The following HMG20A variants were observed in gnomAD, a reference collection of about 807,000 sequenced individuals.
HMG20A encodes high mobility group 20A.
A neutral mutation model predicts 43.9 loss-of-function variants in HMG20A; 17 were observed. The observed-to-expected ratio is 0.39, with a 90% CI of 0.27 to 0.58. The LOEUF (loss-of-function observed/expected upper bound fraction) is 0.58. Among genes scored for constraint, HMG20A ranks in the 20% least tolerant of loss-of-function variants. HMG20A has a pLI of 0.59. For missense variants in HMG20A, 341 were observed against 438.2 expected (o/e 0.78, Z 1.98); for synonymous variants, 132 against 147.5 (o/e 0.89, Z 0.76).
At chr15:77,504,607 T>C in the HMG20A span, among the ~76,000 whole-genome samples, 5 of 152,134 alleles carry the variant, frequency 3.3e-5, no homozygotes, top group African/African-American at 4.8e-5. Flanking sequence ...TTGTACACTA[T>C]AGAGAGCTAT....
the HMG20A span, among the ~76,000 whole-genome samples, chr15:77,495,068 G>A: frequency 6.6e-6 from 1 of 152,224 alleles, no homozygotes; most frequent in Non-Finnish European, 1.5e-5. Flanking sequence ...GCAAAATGAG[G>A]CCCCAATCCA....
At chr15:77,440,557 T>C (rs1040583912) in intron 1 of HMG20A, among the ~76,000 whole-genome samples, 4 of 152,230 alleles carry the variant, frequency 2.6e-5, no homozygotes, top group Admixed American at 6.5e-5. Flanking sequence ...TTCTCACTTA[T>C]GCTATTTGTC....
intron 6 of HMG20A, among the ~76,000 whole-genome samples, chr15:77,475,281 T>A (rs1259675586): frequency 2.6e-5 from 4 of 152,196 alleles, no homozygotes; most frequent in African/African-American, 4.8e-5. Context: ...TAAGTAGAAT[T>A]TCTCTGTTAC....
chr15:77,459,261 G>A (rs1020303695), intron 2 of HMG20A, among the ~76,000 whole-genome samples: 1 of 152,156 alleles, frequency 6.6e-6, no homozygotes, highest in African/African-American at 2.4e-5. Flanking sequence ...AGATGAAAGT[G>A]TTCTCCAAGA....
intron 1 of HMG20A, among the ~76,000 whole-genome samples, chr15:77,441,725 A>G (rs2142294715): frequency 6.6e-6 from 1 of 152,174 alleles, no homozygotes; most frequent in African/African-American, 2.4e-5. Flanking sequence ...AATTTGTTGT[A>G]GAAATCACAG....
chr15:77,467,359 A>T (rs757545872), intron 4 of HMG20A, 52 bp downstream of exon 4: 1,065 of 1,444,318 alleles, frequency 7.4e-4, no homozygotes, highest in Non-Finnish European at 9.4e-4. Context: ...TATCTCAGAA[A>T]TAACTTATAT....
At chr15:77,509,828 A>C in the HMG20A span, among the ~76,000 whole-genome samples, 1 of 151,484 alleles carries the variant, frequency 6.6e-6, no homozygotes, top group Non-Finnish European at 1.5e-5. Flanking sequence ...AATCGCTGGA[A>C]CCTGGGAGGC....
At chr15:77,469,750 C>T (rs1166797040) in intron 4 of HMG20A, among the ~76,000 whole-genome samples, 1 of 152,220 alleles carries the variant, frequency 6.6e-6, no homozygotes, top group African/African-American at 2.4e-5. Context: ...TCATTGCAAC[C>T]TCCACCTCCC....
intron 1 of HMG20A, among the ~76,000 whole-genome samples, chr15:77,450,276 G>A (rs1257752005): frequency 2.0e-5 from 3 of 151,880 alleles, no homozygotes; most frequent in East Asian, 1.9e-4. Context: ...GACTACAGGC[G>A]CCCACCACCA....
At chr15:77,448,570 C>G (rs2073700616) in intron 1 of HMG20A, among the ~76,000 whole-genome samples, 1 of 152,130 alleles carries the variant, frequency 6.6e-6, no homozygotes, top group Non-Finnish European at 1.5e-5. Context: ...TTTCTTGGTA[C>G]TTCAAACTAT....
intron 1 of HMG20A, among the ~76,000 whole-genome samples, chr15:77,442,365 T>C (rs960446135): frequency 6.6e-6 from 1 of 152,200 alleles, no homozygotes; most frequent in Non-Finnish European, 1.5e-5. Flanking sequence ...TCAAAATATG[T>C]CAGTTATCTG....
intron 1 of HMG20A, among the ~76,000 whole-genome samples, chr15:77,455,764 G>T (rs970668751): frequency 9.2e-5 from 14 of 152,126 alleles, no homozygotes; most frequent in Non-Finnish European, 1.8e-4. Context: ...ACATCATCAG[G>T]CACAGATGCT....
chr15:77,436,473 C>G (rs1254560609), intron 1 of HMG20A, among the ~76,000 whole-genome samples: 2 of 151,746 alleles, frequency 1.3e-5, no homozygotes, highest in Admixed American at 1.3e-4. Flanking sequence ...TTTCCCTCCC[C>G]CAAGATGGAG....
At chr15:77,500,274 T>C in the HMG20A span, among the ~76,000 whole-genome samples, 2 of 152,230 alleles carry the variant, frequency 1.3e-5, no homozygotes, top group African/African-American at 2.4e-5. Flanking sequence ...TAAAGCCACA[T>C]AGCTATTACA....
chr15:77,423,377 G>T (rs924274853), intron 1 of HMG20A, among the ~76,000 whole-genome samples: 4 of 150,720 alleles, frequency 2.7e-5, no homozygotes, highest in Admixed American at 2.0e-4. Flanking sequence ...TCCTCCAAAG[G>T]TTTTTTTTTC....
intron 1 of HMG20A, among the ~76,000 whole-genome samples, chr15:77,447,557 G>A (rs1345086965): frequency 2.0e-5 from 3 of 151,922 alleles, no homozygotes; most frequent in Non-Finnish European, 2.9e-5. Flanking sequence ...TAGTACTTCT[G>A]TGGTTTTTAA....
intron 6 of HMG20A, among the ~76,000 whole-genome samples, chr15:77,477,354 A>G (rs1161518637): frequency 2.0e-5 from 3 of 152,234 alleles, no homozygotes; most frequent in African/African-American, 7.2e-5. Flanking sequence ...TACCTGAGAG[A>G]AGTGAATACT....
chr15:77,462,517 G>T (rs1168652571), intron 2 of HMG20A, among the ~76,000 whole-genome samples: 1 of 151,886 alleles, frequency 6.6e-6, no homozygotes, highest in Non-Finnish European at 1.5e-5. Flanking sequence ...TTCTCCTGGG[G>T]CATGTTTCCA....
chr15:77,462,599 CCACACACACA>C (rs34081893), intron 2 of HMG20A, among the ~76,000 whole-genome samples: 4 of 147,960 alleles, frequency 2.7e-5, no homozygotes, highest in African/African-American at 1.0e-4. Context: ...GTGTGTCTGT[CCACACACACA>C]CACACACACA....
Sources: allele counts gnomAD v4.1 joint callset (sites outside exome capture counted in the v4.1 genomes callset), GRCh38; gene constraint gnomAD v4.1.1; transcripts MANE v1.5; gene names NCBI Gene and HGNC (gene_info 2026-07-23, HGNC 2026-07-21).